Variants in ABCA2 observed in about 807,000 individuals in gnomAD.
ABCA2 encodes ATP-binding cassette sub-family A member 2.
ABCA2 carries 84 observed loss-of-function variants against 262.8 expected under a neutral mutation model. The observed-to-expected ratio is 0.32, with a 90% confidence interval of 0.27 to 0.38. The LOEUF (loss-of-function observed/expected upper bound fraction) is 0.38, where lower values mean the gene tolerates loss of function less well. Ranked by LOEUF, ABCA2 falls within the 10% of genes least tolerant of loss-of-function variation. ABCA2 has a pLI of 1.00. For synonymous variants in ABCA2, 1,696 were observed against 1,502.9 expected (o/e 1.13, Z -2.97); for missense variants, 2,662 against 3,405.9 (o/e 0.78, Z 5.44).
chr9:137,017,156 G>A, intron 18 of ABCA2, 32 bp from the exon 19 acceptor site: 1 of 1,611,712 alleles, frequency 6.2e-7, no homozygotes, highest in Non-Finnish European at 8.5e-7. Context: ...CACGTGGGGT[G>A]GCCCGGCACC....
At chr9:137,008,020 C>A in intron 48 of ABCA2, 56 bp from the exon 49 acceptor site, 1 of 1,578,790 alleles carries the variant, frequency 6.3e-7, no homozygotes, top group Non-Finnish European at 8.6e-7. Flanking sequence ...CCTGCTGGGG[C>A]TGAGGACACT....
Position 137,017,010 on chromosome 9 carries a change from C to A in ABCA2, c.2668G>T (p.Asp890Tyr). The part of the protein sequence containing the change: ...TFSQSPVEGD[D>Y]FNLLLAVTML... ...GTGACAGCCAGGAGCAAGTTGAAGT[C>A]GTCCCCCTCCACCGGGGACTGGCTG... Residue 890 changes from aspartate (D) to tyrosine (Y), a missense_variant, in exon 19 of 49, where the codon GAC (aspartate) becomes TAC (tyrosine). Physicochemically the swap from Asp to Tyr is radical, Grantham distance 160. Around this residue, in one of 12 missense-constraint regions of ABCA2, gnomAD observed 188 missense variants for 343.4 expected, o/e 0.55. Transcript: ENST00000341511. 1 of 1,612,806 alleles carries A rather than the reference C, an allele frequency of 6.2e-7. No individual in the cohort carries two copies. The highest frequency in any genetic ancestry group is 8.5e-7 in the Non-Finnish European group (1 of 1,180,002).
chr9:137,022,035 G>GTGGCTCAGATGGGGTC, intron 6 of ABCA2, 34 bp from the exon 7 acceptor site: 2 of 201,846 alleles, frequency 9.9e-6, no homozygotes, highest in South Asian at 1.2e-4. Flanking sequence ...CAGATGGGGT[G>GTGGCTCAGATGGGGTC]TGGGGGGCGT....
At chr9:137,022,538 T>A in intron 5 of ABCA2, 60 bp from the exon 6 acceptor site, 2 of 1,588,882 alleles carry the variant, frequency 1.3e-6, no homozygotes, top group East Asian at 2.3e-5. Context: ...TGCCCCCACA[T>A]GCGCTCGGAG....
At position 137,010,701 on chromosome 9, in the gene ABCA2, A is replaced by G; in HGVS notation, c.6093T>C (p.Asp2031=). 6.2e-7 allele frequency: 1 copy of G among 1,611,580 alleles called. No individual in the cohort carries two copies. Among genetic ancestry groups the G allele is most frequent in the South Asian group, 1.1e-5 (1 of 91,050 alleles). ...MPVSTKPVED[D]VDVASERQRV... ...GCTGCCGCTCACTGGCCACGTCCAC[A>G]TCATCCTCCACAGGCTTGGTAGACA... is the stretch of plus-strand genomic sequence containing the variant. Residue 2031 remains aspartate (D), a synonymous_variant, in exon 40 of 49, where the codon GAT becomes GAC. Coordinates refer to ENST00000341511, the MANE Select transcript of ABCA2 (RefSeq NM_001606.5).
In ABCA2 at chr9:137,016,705, G is replaced by C; in HGVS notation, c.2792C>G (p.Pro931Arg). Residue 931 changes from proline to arginine, a missense_variant, in exon 20 of 49, where the codon CCA becomes CGA. Physicochemically the swap from Pro to Arg is moderately radical, Grantham distance 103. Around this residue, in one of 12 missense-constraint regions of ABCA2, gnomAD observed 133 missense variants for 150.8 expected, o/e 0.88. Coordinates refer to ENST00000341511, the MANE Select transcript of ABCA2 (RefSeq NM_001606.5). ...MYGLPRPWYFPLQKSYWLGSG... is the reference protein window; with the variant it reads ...MYGLPRPWYFRLQKSYWLGSG... ...GCCCAGCCAGTAGGACTTCTGCAGT[G>C]GGAAGTACCAGGGCCGGGGCAGCCC... 6.3e-7 allele frequency: 1 copy of C among 1,577,250 alleles called. No homozygotes were observed.
intron 3 of ABCA2, 95 bp downstream of exon 3, chr9:137,023,743 T>A: frequency 1.4e-6 from 1 of 714,684 alleles, no homozygotes; most frequent in Non-Finnish European, 2.6e-6. Context: ...GGAGGGCTGT[T>A]AATGCAAGCG....
In ABCA2 at chr9:137,016,607, C is replaced by T. The variant is rs186322388; in HGVS notation, c.2890G>A (p.Asp964Asn). 2.9e-5 allele frequency: 47 copies of T among 1,612,234 alleles called. No homozygotes were observed. The Admixed American group carries it at 7.8e-4, about 27-fold the overall frequency. Residue 964 changes from aspartate to asparagine, a missense_variant, in exon 20 of 49, where the codon GAC becomes AAC. Physicochemically the swap from Asp to Asn is conservative, Grantham distance 23. Around this residue, in one of 12 missense-constraint regions of ABCA2, gnomAD observed 133 missense variants for 150.8 expected, o/e 0.88. Transcript: ENST00000341511. ...CGGCTCTCCATGGCACAGGCCTGGT[C>T]CTCCTCCATGACACTGAGGCGGGGG... ...RTPRLSVMEE[D>N]QACAMESRRF... is the part of the protein sequence containing the mutation.
intron 28 of ABCA2, 94 bp downstream of exon 28, chr9:137,013,738 C>T (rs1036829221): frequency 6.9e-7 from 1 of 1,450,826 alleles, no homozygotes; most frequent in Non-Finnish European, 9.4e-7. Context: ...GGGTGAGGCC[C>T]AGAGTCAGGA....
At chr9:137,008,900 G>GCCCCCCCCCCCCCCCCCCCCCCCCCCC in intron 46 of ABCA2, 32 bp from the exon 47 acceptor site, 2 of 1,555,276 alleles carry the variant, frequency 1.3e-6, no homozygotes, top group South Asian at 1.1e-5. Context: ...GCCTGGCAGC[G>GCCCCCCCCCCCCCCCCCCCCCCCCCCC]CCCCCCCACC....
rs1484849282 is a variant in ABCA2, at chr9:137,028,155, C to T, written c.-15G>A. ...AGGAAGCCCATGGCGGGGCCACGCT[C>T]CGCCGCCTCAGCGCCGCGGCCCGCT... On this transcript the variant is annotated 5_prime_UTR_variant, in exon 1 of 49. Coordinates refer to ENST00000341511, the MANE Select transcript of ABCA2 (RefSeq NM_001606.5). The surrounding 1 kb of genome is among the most constrained non-coding windows in gnomAD (Gnocchi z 6.9). 8.1e-6 allele frequency: 8 copies of T among 982,088 alleles called. No individual in the cohort carries two copies. The highest frequency in any genetic ancestry group is 9.7e-6 in the Non-Finnish European group (8 of 828,762). 60.8% of individuals were successfully genotyped at this position (982,088 alleles called of 1,614,324 possible).
intron 40 of ABCA2, 108 bp from the exon 41 acceptor site, chr9:137,010,479 C>T (rs1564212421): frequency 1.5e-6 from 2 of 1,359,980 alleles, no homozygotes; most frequent in Non-Finnish European, 2.0e-6. Flanking sequence ...GGGCCACGTG[C>T]CCCACAGCCC....
At position 137,013,473 on chromosome 9, in the gene ABCA2, C is replaced by A. The variant is rs374231008; in HGVS notation, c.4538G>T (p.Arg1513Leu). 3.7e-6 allele frequency: 6 copies of A among 1,606,672 alleles called. No individual in the cohort carries two copies. Among genetic ancestry groups the A allele is most frequent in the African/African-American group, 2.7e-5 (2 of 74,890 alleles). ...CTGGAGGCCTCACCGGTACTCGCGGCGCTCCTCGTTGGCGTAGGGGATGAA... is the reference window on the plus strand; with the variant it reads ...CTGGAGGCCTCACCGGTACTCGCGGAGCTCCTCGTTGGCGTAGGGGATGAA... Reference protein sequence around the residue: ...GNFIPYANEERREYRLRLSPD... With the variant: ...GNFIPYANEELREYRLRLSPD... Residue 1513 changes from arginine (R) to leucine (L), a missense_variant, in exon 29 of 49, where the codon CGC becomes CTC. Arg to Leu is a moderately radical substitution (Grantham distance 102). Coordinates refer to ENST00000341511, the MANE Select transcript of ABCA2 (RefSeq NM_001606.5).
At position 137,024,102 on chromosome 9, in the gene ABCA2, G is replaced by A. The variant is rs529361288; in HGVS notation, c.160+41C>T. On this transcript the variant is annotated intron_variant, in intron 2 of 48. Transcript: ENST00000341511. ...ACACAGCGCAGGCGTGCGAGGTGCC[G>A]CGCTCCCCCGGCTGTGCCTGGGGCC... The A allele has an allele frequency of 1.1e-5, 17 of 1,574,600 alleles. No individual in the cohort carries two copies. In the East Asian group the frequency reaches 1.4e-4, roughly 13 times the overall value.
intron 26 of ABCA2, 126 bp downstream of exon 26, chr9:137,014,564 G>A: frequency 6.7e-7 from 1 of 1,481,572 alleles, no homozygotes; most frequent in South Asian, 1.3e-5. Flanking sequence ...GCTAACCCCG[G>A]GGCGTCCCCT....
rs772487766 is a variant in ABCA2 at position 137,021,375 on chromosome 9, G to A, written c.897+17C>T. 15 of 1,601,256 alleles carry A rather than the reference G, an allele frequency of 9.4e-6. No homozygotes were observed. The highest frequency in any genetic ancestry group is 1.3e-5 in the Non-Finnish European group (15 of 1,178,524). On this transcript the variant is annotated intron_variant, in intron 8 of 48. Transcript: ENST00000341511. The surrounding 1 kb of genome is among the most constrained non-coding windows in gnomAD (Gnocchi z 6.0). ...GCAGCAAGCAGCGCAGCGGGCAGTG[G>A]GCAGGCAGGGCCTCACCTGCTGGGA...
At position 137,016,948 on chromosome 9, in the gene ABCA2, G is replaced by A; in HGVS notation, c.2730C>T (p.Leu910=). 1 of 1,612,712 alleles carries A rather than the reference G, an allele frequency of 6.2e-7. No homozygotes were observed. The highest frequency in any genetic ancestry group is 8.5e-7 in the Non-Finnish European group (1 of 1,179,970). The change falls in exon 19 of 49, where the codon CTC becomes CTT. Residue 910 remains leucine, a synonymous_variant. Coordinates refer to ENST00000341511, the MANE Select transcript of ABCA2 (RefSeq NM_001606.5). ...LMVDAVVYGI[L]TWYIEAVHPG... Reference sequence around the variant, plus strand: ...GGTGCACAGCCTCAATGTACCACGTGAGGATGCCATAGACCACGGCGTCCA... The same window carrying A: ...GGTGCACAGCCTCAATGTACCACGTAAGGATGCCATAGACCACGGCGTCCA...
chr9:137,025,055 G>A (rs571244616), intron 1 of ABCA2, among the ~76,000 whole-genome samples: 1 of 152,296 alleles, frequency 6.6e-6, no homozygotes, highest in South Asian at 2.1e-4. Context: ...ACCTGGGCGT[G>A]AGCCACCACA....
At chr9:137,026,215 A>G (rs1831648839) in intron 1 of ABCA2, among the ~76,000 whole-genome samples, 1 of 152,172 alleles carries the variant, frequency 6.6e-6, no homozygotes, top group South Asian at 2.1e-4. Context: ...AAACTGAGGC[A>G]AAGAGCTTGG....
Sources: gnomAD v4.1 joint callset for allele counts (sites outside exome capture counted in the v4.1 genomes callset) on GRCh38, gnomAD v4.1.1 for gene constraint, gnomAD v4.1.1 regional missense constraint, Gnocchi (gnomAD v3.1) non-coding constraint, MANE v1.5 for transcripts, NCBI Gene and HGNC (gene_info 2026-07-23, HGNC 2026-07-21) for gene names.